The following PTPRG variants were observed in gnomAD, a reference collection of about 807,000 sequenced individuals.
PTPRG encodes the protein protein tyrosine phosphatase receptor type G, also known as receptor-type tyrosine-protein phosphatase gamma.
In PTPRG, 102 loss-of-function variants were observed where a neutral mutation model predicts 165.3. The observed-to-expected ratio is 0.62, with a 90% CI of 0.53 to 0.73. The LOEUF is 0.73. Among genes scored for constraint, PTPRG ranks in the 30% least tolerant of loss-of-function variants. PTPRG has a pLI of 0.00. For synonymous variants in PTPRG, 675 were observed against 669.5 expected (o/e 1.01, Z -0.13); for missense variants, 1,866 against 1,861.4 (o/e 1.00, Z -0.05).
intron 2 of PTPRG, among the ~76,000 whole-genome samples, chr3:61,827,548 C>G (rs997375567): frequency 6.6e-6 from 1 of 152,080 alleles, no homozygotes; most frequent in Non-Finnish European, 1.5e-5. Context: ...TTGTGACATC[C>G]CTGATCTGTC....
chr3:62,291,672 T>C (rs1292035887), intron 28 of PTPRG, among the ~76,000 whole-genome samples: 1 of 152,160 alleles, frequency 6.6e-6, no homozygotes, highest in East Asian at 1.9e-4. Context: ...TCCAGTCTCA[T>C]TTCTGCCACC....
chr3:61,882,712 G>C (rs1365595732), intron 2 of PTPRG, among the ~76,000 whole-genome samples: 1 of 152,092 alleles, frequency 6.6e-6, no homozygotes, highest in Non-Finnish European at 1.5e-5. Context: ...GCCACTGCTT[G>C]TTCACCTGTC....
intron 4 of PTPRG, among the ~76,000 whole-genome samples, chr3:62,062,438 G>A (rs186303595): frequency 1.3e-5 from 2 of 152,236 alleles, no homozygotes; most frequent in East Asian, 3.9e-4. Context: ...AGCTTTGCTC[G>A]TATGCTTAAT....
At chr3:61,608,788 GC>G (rs1354748427) in intron 1 of PTPRG, among the ~76,000 whole-genome samples, 1 of 152,214 alleles carries the variant, frequency 6.6e-6, no homozygotes, top group Non-Finnish European at 1.5e-5. Context: ...GATAAAGGAT[GC>G]TTTCCCTGAT....
intron 1 of PTPRG, among the ~76,000 whole-genome samples, chr3:61,738,285 T>C (rs1413178340): frequency 4.2e-5 from 3 of 71,832 alleles, no homozygotes; most frequent in Non-Finnish European, 8.3e-5. Flanking sequence ...TATACATATA[T>C]ATATATATAT....
chr3:61,761,376 A>G (rs1386335168), intron 2 of PTPRG, among the ~76,000 whole-genome samples: 1 of 152,172 alleles, frequency 6.6e-6, no homozygotes, highest in Non-Finnish European at 1.5e-5. Flanking sequence ...CAGGAGTTCA[A>G]AACAAGCCTG....
chr3:61,746,093 G>A (rs2106902881), intron 1 of PTPRG, among the ~76,000 whole-genome samples: 1 of 148,628 alleles, frequency 6.7e-6, no homozygotes, highest in African/African-American at 2.5e-5. Flanking sequence ...CTGTTGCCCA[G>A]GCTGGAGTGG....
chr3:62,089,573 G>C (rs925181917), intron 5 of PTPRG, among the ~76,000 whole-genome samples: 2 of 152,166 alleles, frequency 1.3e-5, no homozygotes, highest in African/African-American at 2.4e-5. Context: ...ACAGTAGTTG[G>C]TGCTCATATC....
chr3:62,036,973 G>GCA (rs1183909347), intron 4 of PTPRG, among the ~76,000 whole-genome samples: 2 of 105,062 alleles, frequency 1.9e-5, no homozygotes, highest in African/African-American at 8.0e-5. Context: ...CTGCACGTGC[G>GCA]CGCGCGCACG....
intron 4 of PTPRG, among the ~76,000 whole-genome samples, chr3:62,056,549 A>G (rs1700641496): frequency 6.6e-6 from 1 of 152,142 alleles, no homozygotes; most frequent in Non-Finnish European, 1.5e-5. Flanking sequence ...TTGTATCTCA[A>G]CCTCAGCATT....
intron 2 of PTPRG, among the ~76,000 whole-genome samples, chr3:61,977,539 T>C (rs1037119038): frequency 6.6e-6 from 1 of 152,226 alleles, no homozygotes; most frequent in African/African-American, 2.4e-5. Flanking sequence ...TTGATTTGTA[T>C]TTATTTTTTC....
At chr3:61,964,731 C>T (rs371062777) in intron 2 of PTPRG, among the ~76,000 whole-genome samples, 8 of 152,204 alleles carry the variant, frequency 5.3e-5, no homozygotes, top group South Asian at 4.1e-4. Flanking sequence ...TGGTTTTACA[C>T]GCGTGGCTCA....
intron 5 of PTPRG, among the ~76,000 whole-genome samples, chr3:62,119,765 C>T (rs1702993806): frequency 1.3e-5 from 2 of 150,232 alleles, no homozygotes; most frequent in African/African-American, 4.9e-5. Context: ...GGACTACAGG[C>T]ATGGGCCACC....
chr3:61,879,799 T>C (rs1212221133), intron 2 of PTPRG, among the ~76,000 whole-genome samples: 9 of 152,242 alleles, frequency 5.9e-5, no homozygotes, highest in Admixed American at 5.9e-4. Context: ...GCTTTCCTAA[T>C]GGATTTTAGG....
intron 2 of PTPRG, among the ~76,000 whole-genome samples, chr3:61,840,991 AG>A (rs2036615422): frequency 6.6e-6 from 1 of 152,010 alleles, no homozygotes; most frequent in Non-Finnish European, 1.5e-5. Flanking sequence ...CCTGTTGGCC[AG>A]GCTGGTCTCG....
At chr3:61,822,579 A>G (rs1434231751) in intron 2 of PTPRG, among the ~76,000 whole-genome samples, 2 of 152,224 alleles carry the variant, frequency 1.3e-5, no homozygotes, top group Non-Finnish European at 2.9e-5. Context: ...AACCAAATGG[A>G]CAAGAAAAAT....
At chr3:61,722,992 C>A (rs900122622) in intron 1 of PTPRG, among the ~76,000 whole-genome samples, 4 of 150,984 alleles carry the variant, frequency 2.6e-5, no homozygotes, top group African/African-American at 9.7e-5. Context: ...GAGCAGAGGT[C>A]GATGATAAAT....
intron 1 of PTPRG, among the ~76,000 whole-genome samples, chr3:61,570,325 T>G (rs1700027172): frequency 6.6e-6 from 1 of 152,154 alleles, no homozygotes; most frequent in Non-Finnish European, 1.5e-5. Context: ...AATGTGATTT[T>G]AAACTACTCA....
At chr3:62,291,949 C>A (rs1702913350) in intron 28 of PTPRG, among the ~76,000 whole-genome samples, 1 of 152,060 alleles carries the variant, frequency 6.6e-6, no homozygotes, top group Admixed American at 6.6e-5. Flanking sequence ...TGGAAATTGT[C>A]TGTTTTGAGC....
Sources: gnomAD v4.1 joint callset for allele counts (sites outside exome capture counted in the v4.1 genomes callset) on GRCh38, gnomAD v4.1.1 for gene constraint, MANE v1.5 for transcripts, NCBI Gene and HGNC (gene_info 2026-07-23, HGNC 2026-07-21) for gene names.